Variants in PCOLCE2 observed in about 807,000 individuals in gnomAD.
The protein encoded by PCOLCE2 is procollagen C-endopeptidase enhancer 2, also known as procollagen C-proteinase enhancer 2.
A neutral mutation model predicts 47.0 loss-of-function variants in PCOLCE2; 42 were observed. The ratio of observed to expected loss-of-function variants is 0.89; its 90% CI spans 0.70 to 1.16. PCOLCE2 has a LOEUF of 1.16. Among genes scored for constraint, PCOLCE2 ranks in the 50% most tolerant of loss-of-function variants. The probability of loss-of-function intolerance (pLI) is 0.00; values close to 1 mark genes in which losing one functional copy is unlikely to be tolerated. For missense variants in PCOLCE2, 500 were observed against 526.1 expected (o/e 0.95, Z 0.49); for synonymous variants, 169 against 191.7 (o/e 0.88, Z 0.98).
Position 142,876,858 on chromosome 3 carries a change from C to T in PCOLCE2, c.192+10811G>A, listed in dbSNP as rs567624516. Among the ~76,000 whole-genome samples the T allele has an allele frequency of 8.5e-5, 13 of 152,232 alleles. No homozygotes were observed. In the South Asian group the frequency reaches 2.5e-3, roughly 29 times the overall value. On this transcript the variant is annotated intron_variant, in intron 2 of 8. Coordinates refer to ENST00000295992, the MANE Select transcript of PCOLCE2 (RefSeq NM_013363.4). ...CATCCAATTTGTTCCAAAAGCAAGC[C>T]CAGATTCAATGCTGGGGGATGCCAG...
chr3:142,839,780 A>C (rs1177604322), intron 4 of PCOLCE2, among the ~76,000 whole-genome samples: 1 of 152,242 alleles, frequency 6.6e-6, no homozygotes, highest in African/African-American at 2.4e-5. Flanking sequence ...ATATAAATAT[A>C]ATTTTCACTT....
intron 2 of PCOLCE2, among the ~76,000 whole-genome samples, chr3:142,859,185 C>T (rs886821535): frequency 2.0e-5 from 3 of 152,004 alleles, no homozygotes; most frequent in South Asian, 2.1e-4. Flanking sequence ...GCCTCAGCCT[C>T]CCAAGTAGGT....
At chr3:142,881,429 T>C (rs993947142) in intron 2 of PCOLCE2, among the ~76,000 whole-genome samples, 2 of 152,238 alleles carry the variant, frequency 1.3e-5, no homozygotes, top group African/African-American at 4.8e-5. Context: ...TTTAGTTCCA[T>C]GATTTCTATC....
At chr3:142,853,997 C>T (rs1318199221) in intron 2 of PCOLCE2, among the ~76,000 whole-genome samples, 4 of 152,156 alleles carry the variant, frequency 2.6e-5, no homozygotes, top group African/African-American at 7.2e-5. Context: ...CTCTCGATGC[C>T]GGGGCTCCTG....
chr3:142,818,608 G>T, intron 8 of PCOLCE2, 143 bp from the exon 9 acceptor site: 2 of 699,146 alleles, frequency 2.9e-6, no homozygotes, highest in Non-Finnish European at 4.8e-6. Context: ...TAAAATCTGG[G>T]TTTCTTGTTT....
chr3:142,868,053 A>C (rs1933316581), intron 2 of PCOLCE2, among the ~76,000 whole-genome samples: 1 of 152,200 alleles, frequency 6.6e-6, no homozygotes, highest in Admixed American at 6.5e-5. Context: ...GAACAGGAGG[A>C]AACAATGATA....
At chr3:142,855,858 G>A (rs1324115688) in intron 2 of PCOLCE2, among the ~76,000 whole-genome samples, 2 of 152,190 alleles carry the variant, frequency 1.3e-5, no homozygotes, top group South Asian at 2.1e-4. Flanking sequence ...CCCTCCCACT[G>A]CACTGGACGG....
chr3:142,858,264 G>A (rs866996720), intron 2 of PCOLCE2, among the ~76,000 whole-genome samples: 2 of 152,206 alleles, frequency 1.3e-5, no homozygotes, highest in African/African-American at 4.8e-5. Context: ...TGCACAGACA[G>A]GAGTGTTCTA....
chr3:142,864,296 C>A (rs1170918618), intron 2 of PCOLCE2: 1 of 152,206 alleles, frequency 6.6e-6, no homozygotes, highest in Admixed American at 6.5e-5. Flanking sequence ...AGCACTTATG[C>A]TGTGGTTTTT....
chr3:142,879,692 G>A (rs962071611), intron 2 of PCOLCE2, among the ~76,000 whole-genome samples: 3 of 152,116 alleles, frequency 2.0e-5, no homozygotes, highest in Middle Eastern at 3.2e-3. Context: ...AGTTTTGGCC[G>A]GGCACGGTGG....
At chr3:142,885,825 C>G (rs925500667) in intron 2 of PCOLCE2, among the ~76,000 whole-genome samples, 7 of 152,154 alleles carry the variant, frequency 4.6e-5, no homozygotes, top group Admixed American at 4.6e-4. Flanking sequence ...AAACAAAATT[C>G]AAACTCTCCA....
chr3:142,838,825 C>A lies in PCOLCE2; in HGVS notation c.655G>T (p.Gly219Trp). 6.2e-7 allele frequency: 1 copy of A among 1,613,748 alleles called. No individual in the cohort carries two copies. The change falls in exon 5 of 9, where the codon GGG becomes TGG. Residue 219 changes from glycine (G) to tryptophan (W), a missense_variant. Transcript: ENST00000295992. ...RYDYVAVFNG[G>W]EVNDARRIGK... Reference sequence around the variant, plus strand: ...ATTCTTCTAGCATCGTTGACTTCCCCGCCATTAAACACAGCCACATAATCA... The same window carrying A: ...ATTCTTCTAGCATCGTTGACTTCCCAGCCATTAAACACAGCCACATAATCA...
chr3:142,822,393 G>A (rs1048770011), intron 7 of PCOLCE2, among the ~76,000 whole-genome samples: 3 of 151,882 alleles, frequency 2.0e-5, no homozygotes, highest in African/African-American at 2.4e-5. Context: ...CCATGTAAGC[G>A]GTCACATTAA....
chr3:142,852,209 A>C (rs1279666521), intron 2 of PCOLCE2, among the ~76,000 whole-genome samples: 1 of 152,206 alleles, frequency 6.6e-6, no homozygotes, highest in Admixed American at 6.5e-5. Flanking sequence ...GAGCCTTTTC[A>C]GTATGACACA....
At chr3:142,846,645 C>T (rs887025057) in intron 3 of PCOLCE2, 2 of 152,148 alleles carry the variant, frequency 1.3e-5, no homozygotes, top group African/African-American at 4.8e-5. Context: ...ACTGGTTTCT[C>T]GAGCTCTTTT....
intron 3 of PCOLCE2, chr3:142,843,381 G>T: frequency 2.2e-6 from 1 of 448,768 alleles, no homozygotes; most frequent in Admixed American, 2.5e-5. Flanking sequence ...AAATCATAGA[G>T]ATGTTAAGGC....
At chr3:142,826,159 C>T (rs1937074533) in intron 6 of PCOLCE2, among the ~76,000 whole-genome samples, 1 of 152,064 alleles carries the variant, frequency 6.6e-6, no homozygotes, top group African/African-American at 2.4e-5. Flanking sequence ...TGCCCACCAC[C>T]ACGCCCGGCT....
chr3:142,876,206 G>A (rs1159931110), intron 2 of PCOLCE2, among the ~76,000 whole-genome samples: 1 of 152,206 alleles, frequency 6.6e-6, no homozygotes, highest in African/African-American at 2.4e-5. Context: ...TTCTCACTGT[G>A]TGCCCAGGAT....
At chr3:142,859,668 C>A (rs1468989430) in intron 2 of PCOLCE2, among the ~76,000 whole-genome samples, 2 of 151,446 alleles carry the variant, frequency 1.3e-5, no homozygotes, top group Non-Finnish European at 2.9e-5. Flanking sequence ...CAGGTTCAAG[C>A]GATTCCCCTG....
Sources: gnomAD v4.1 joint callset for allele counts (sites outside exome capture counted in the v4.1 genomes callset) on GRCh38, gnomAD v4.1.1 for gene constraint, MANE v1.5 for transcripts, NCBI Gene and HGNC (gene_info 2026-07-23, HGNC 2026-07-21) for gene names.